Variants in HTT observed in about 807,000 individuals in gnomAD.
The protein encoded by HTT is huntington disease protein.
HTT carries 104 observed loss-of-function variants against 362.3 expected under a neutral mutation model. The observed-to-expected ratio is 0.29, with a 90% CI of 0.24 to 0.34. HTT has a LOEUF of 0.34. Ranked by LOEUF, HTT falls within the 10% of genes least tolerant of loss-of-function variation. HTT has a pLI of 1.00. For missense variants in HTT, 3,301 were observed against 3,928.6 expected, an observed-to-expected ratio of 0.84 and a Z score of 4.27; for synonymous variants, 1,577 against 1,548.7, an observed-to-expected ratio of 1.02 and a Z score of -0.43.
intron 2 of HTT, 106 bp from the exon 3 acceptor site, chr4:3,099,168 C>T: frequency 1.4e-6 from 1 of 705,362 alleles, no homozygotes; most frequent in Non-Finnish European, 2.4e-6. Flanking sequence ...ATGTAATGTC[C>T]TTTTTCTGTT....
At chr4:3,211,823 C>G (rs936997984) in intron 47 of HTT, 106 bp from the exon 48 acceptor site, 2 of 790,160 alleles carry the variant, frequency 2.5e-6, no homozygotes, top group East Asian at 5.0e-5. Flanking sequence ...TTTGTATTTT[C>G]TCAGAAACAT....
chr4:3,186,447 G>C, intron 37 of HTT, 150 bp from the exon 38 acceptor site: 6 of 765,018 alleles, frequency 7.8e-6, no homozygotes, highest in Non-Finnish European at 1.3e-5. Flanking sequence ...TGTTTGCTTG[G>C]TTCACCACTG....
intron 1 of HTT, among the ~76,000 whole-genome samples, chr4:3,084,414 C>G (rs1713089116): frequency 6.6e-6 from 1 of 151,888 alleles, no homozygotes. Context: ...TCAGGTCGGA[C>G]GTGGTGGCTC....
chr4:3,192,133 G>A (rs895747705), intron 40 of HTT, among the ~76,000 whole-genome samples: 3 of 152,142 alleles, frequency 2.0e-5, no homozygotes, highest in Admixed American at 6.5e-5. Context: ...GTGGCATGAA[G>A]TGCAGTGCGA....
At chr4:3,215,258 C>A in intron 51 of HTT, 47 bp downstream of exon 51, 1 of 1,441,938 alleles carries the variant, frequency 6.9e-7, no homozygotes, top group Non-Finnish European at 9.7e-7. Flanking sequence ...TCCTCCAGGA[C>A]TTAAAAATCA....
At chr4:3,084,166 A>G (rs1257070969) in intron 1 of HTT, among the ~76,000 whole-genome samples, 2 of 150,300 alleles carry the variant, frequency 1.3e-5, no homozygotes, top group African/African-American at 2.4e-5. Context: ...AAAGGACAAC[A>G]CAGGGGAATA....
At chr4:3,220,356 G>T (rs772142692) in intron 53 of HTT, 48 bp downstream of exon 53, 5 of 1,588,936 alleles carry the variant, frequency 3.1e-6, no homozygotes, top group Admixed American at 3.4e-5. Flanking sequence ...GACATCTACC[G>T]GGAGGAAATC....
At chr4:3,102,565 A>G (rs1249797564) in intron 3 of HTT, among the ~76,000 whole-genome samples, 2 of 152,236 alleles carry the variant, frequency 1.3e-5, no homozygotes, top group African/African-American at 2.4e-5. Context: ...ATTTCCCAGA[A>G]TGTGATCTGG....
intron 44 of HTT, 148 bp downstream of exon 44, chr4:3,207,131 G>A (rs774628725): frequency 1.3e-4 from 133 of 1,034,152 alleles, no homozygotes; most frequent in Non-Finnish European, 1.7e-4. Context: ...GCCGTTACTC[G>A]TGTGTCCGAT....
chr4:3,142,934 G>A (rs758287581), intron 23 of HTT, 48 bp downstream of exon 23: 8 of 1,557,636 alleles, frequency 5.1e-6, no homozygotes, highest in Non-Finnish European at 6.2e-6. Context: ...ATAGTTTTTG[G>A]TAGCTTGTAT....
At chr4:3,209,750 G>A (rs1234333863) in intron 46 of HTT, 77 bp from the exon 47 acceptor site, 1 of 1,575,352 alleles carries the variant, frequency 6.3e-7, no homozygotes, top group African/African-American at 1.3e-5. Context: ...CACTGGCCTA[G>A]GCCTGTAGCT....
At position 3,214,033 on chromosome 4, in the gene HTT, C is replaced by T; in HGVS notation, c.6850C>T (p.Leu2284=). The change falls in exon 50 of 67, where the codon CTG becomes TTG. Residue 2284 remains leucine, a synonymous_variant. Transcript: ENST00000355072. ...DLQAGLDCCC[L]ALQLPGLWSV... is the part of the protein sequence containing the mutation. The stretch of plus-strand genomic sequence containing the variant: ...CCAGGCAGGGCTGGACTGCTGCTGC[C>T]TGGCCCTGCAGCTGCCTGGCCTCTG... 6.2e-7 allele frequency: 1 copy of T among 1,609,762 alleles called. No homozygotes were observed. The highest frequency in any genetic ancestry group is 8.5e-7 in the Non-Finnish European group (1 of 1,177,794).
intron 27 of HTT, among the ~76,000 whole-genome samples, chr4:3,156,583 A>C (rs1717159550): frequency 6.6e-6 from 1 of 152,254 alleles, no homozygotes. Context: ...AAAAGTCTTC[A>C]AACTGAAGTA....
At chr4:3,125,150 G>T (rs570657683) in intron 10 of HTT, among the ~76,000 whole-genome samples, 136 of 152,128 alleles carry the variant, frequency 8.9e-4, no homozygotes, top group African/African-American at 2.9e-3. Flanking sequence ...TATAAATTCT[G>T]GTGTGTCATT....
intron 29 of HTT, among the ~76,000 whole-genome samples, chr4:3,162,372 GTTC>G (rs906494321): frequency 1.2e-4 from 19 of 152,286 alleles, no homozygotes; most frequent in African/African-American, 4.3e-4. Context: ...CTCCAGCTTT[GTTC>G]TTCTAGCCCA....
At chr4:3,199,374 T>C (rs945823035) in intron 40 of HTT, among the ~76,000 whole-genome samples, 3 of 152,072 alleles carry the variant, frequency 2.0e-5, no homozygotes, top group African/African-American at 7.2e-5. Flanking sequence ...ACCCCCTCTA[T>C]ACTAAAAATA....
intron 26 of HTT, among the ~76,000 whole-genome samples, chr4:3,151,527 C>T (rs1716892162): frequency 6.6e-6 from 1 of 152,158 alleles, no homozygotes; most frequent in South Asian, 2.1e-4. Flanking sequence ...GGCCCCACCT[C>T]CGACACTGGA....
At chr4:3,201,607 C>T (rs1275033615) in intron 41 of HTT, among the ~76,000 whole-genome samples, 2 of 148,334 alleles carry the variant, frequency 1.3e-5, no homozygotes, top group African/African-American at 5.0e-5. Context: ...AAATATCGTT[C>T]TTTAATGGTA....
chr4:3,179,155 CTT>C (rs1392734688), intron 35 of HTT, among the ~76,000 whole-genome samples: 3 of 152,186 alleles, frequency 2.0e-5, no homozygotes, highest in Non-Finnish European at 4.4e-5. Context: ...TACTTAGAGT[CTT>C]TTCGACTCAG....
Sources: gnomAD v4.1 joint callset for allele counts (sites outside exome capture counted in the v4.1 genomes callset) on GRCh38, gnomAD v4.1.1 for gene constraint, MANE v1.5 for transcripts, NCBI Gene and HGNC (gene_info 2026-07-23, HGNC 2026-07-21) for gene names.